Variants in CNTN5 observed in about 807,000 individuals in gnomAD.
The protein encoded by CNTN5 is contactin 5.
In CNTN5, 77 loss-of-function variants were observed where a neutral mutation model predicts 129.1. The observed-to-expected ratio is 0.60, with a 90% confidence interval of 0.50 to 0.72. CNTN5 has a LOEUF of 0.72. CNTN5 is among the 30% of genes least tolerant of loss of function. The pLI is 0.00. For synonymous variants in CNTN5, 509 were observed against 465.6 expected (o/e 1.09, Z -1.20); for missense variants, 1,478 against 1,328.8 (o/e 1.11, Z -1.75).
chr11:99,422,009 G>A (rs1047841868), intron 2 of CNTN5, among the ~76,000 whole-genome samples: 1 of 152,188 alleles, frequency 6.6e-6, no homozygotes, highest in African/African-American at 2.4e-5. Flanking sequence ...ATCTCTACTT[G>A]ATAGGAATAA....
chr11:99,120,131 A>C (rs977390591), intron 1 of CNTN5: 1 of 151,998 alleles, frequency 6.6e-6, no homozygotes, highest in Non-Finnish European at 1.5e-5. Flanking sequence ...GTTTAATTAG[A>C]TCCAATTTGT....
intron 1 of CNTN5, among the ~76,000 whole-genome samples, chr11:99,203,453 T>A (rs969720537): frequency 2.0e-5 from 3 of 152,184 alleles, no homozygotes; most frequent in Admixed American, 6.5e-5. Context: ...ATTTTACATT[T>A]GTATCATATA....
chr11:99,884,730 A>G (rs1948854973), intron 6 of CNTN5, among the ~76,000 whole-genome samples: 1 of 152,254 alleles, frequency 6.6e-6, no homozygotes, highest in Non-Finnish European at 1.5e-5. Flanking sequence ...TAATCCCAGC[A>G]CTTTGGGAGG....
intron 1 of CNTN5, among the ~76,000 whole-genome samples, chr11:99,069,296 C>T (rs547243700): frequency 3.3e-5 from 5 of 151,792 alleles, no homozygotes; most frequent in South Asian, 4.2e-4. Flanking sequence ...CCAGGCCAGG[C>T]GAGGGTAATG....
At chr11:99,040,591 A>G (rs771435117) in intron 1 of CNTN5, among the ~76,000 whole-genome samples, 5 of 152,152 alleles carry the variant, frequency 3.3e-5, no homozygotes, top group Non-Finnish European at 7.4e-5. Flanking sequence ...TGTTGAGTTT[A>G]TGCAAAAGTA....
chr11:99,818,907 C>A (rs1380362719), intron 3 of CNTN5, among the ~76,000 whole-genome samples: 1 of 151,966 alleles, frequency 6.6e-6, no homozygotes, highest in Non-Finnish European at 1.5e-5. Context: ...AAATAAATTT[C>A]ATTCATTTTT....
At chr11:99,422,558 A>ATATATC (rs1942949886) in intron 2 of CNTN5, among the ~76,000 whole-genome samples, 1 of 125,194 alleles carries the variant, frequency 8.0e-6, no homozygotes, top group African/African-American at 3.0e-5. Flanking sequence ...ATATATATAT[A>ATATATC]TATCTGTATT....
At chr11:100,158,540 A>ATATT (rs1401018741) in intron 13 of CNTN5, among the ~76,000 whole-genome samples, 1 of 151,894 alleles carries the variant, frequency 6.6e-6, no homozygotes, top group Non-Finnish European at 1.5e-5. Flanking sequence ...AAAAATTGGC[A>ATATT]AATATCCTGA....
chr11:99,405,486 A>G (rs1248538886), intron 2 of CNTN5, among the ~76,000 whole-genome samples: 2 of 151,888 alleles, frequency 1.3e-5, no homozygotes, highest in African/African-American at 4.8e-5. Flanking sequence ...TTCTTCTATT[A>G]AAGGACTCTG....
intron 1 of CNTN5, among the ~76,000 whole-genome samples, chr11:99,126,560 CA>C (rs1278191187): frequency 6.6e-6 from 1 of 152,084 alleles, no homozygotes; most frequent in African/African-American, 2.4e-5. Flanking sequence ...GCTGAATGTC[CA>C]ACCAGGTAAG....
At chr11:99,812,930 C>G (rs59079165) in intron 3 of CNTN5, among the ~76,000 whole-genome samples, 4 of 151,066 alleles carry the variant, frequency 2.6e-5, no homozygotes, top group Non-Finnish European at 3.0e-5. Flanking sequence ...TATTATAGTT[C>G]TTGGTTTTAT....
intron 7 of CNTN5, among the ~76,000 whole-genome samples, chr11:99,938,297 A>G (rs759978637): frequency 1.3e-5 from 2 of 152,140 alleles, no homozygotes; most frequent in Non-Finnish European, 2.9e-5. Context: ...AATTTCATCA[A>G]TCCTTCGTTT....
intron 2 of CNTN5, among the ~76,000 whole-genome samples, chr11:99,393,103 C>T (rs1003127424): frequency 1.3e-5 from 2 of 151,590 alleles, no homozygotes; most frequent in African/African-American, 2.4e-5. Flanking sequence ...CAACAAAAGC[C>T]CCACTAATAA....
intron 3 of CNTN5, among the ~76,000 whole-genome samples, chr11:99,694,010 G>T (rs1014948509): frequency 4.6e-5 from 7 of 152,002 alleles, no homozygotes; most frequent in Non-Finnish European, 1.0e-4. Flanking sequence ...GGGTGATTCA[G>T]ATAGAAGGAA....
intron 1 of CNTN5, among the ~76,000 whole-genome samples, chr11:99,174,541 T>C (rs1272057772): frequency 6.6e-6 from 1 of 152,154 alleles, no homozygotes; most frequent in South Asian, 2.1e-4. Context: ...TTAAAAACTC[T>C]TTATCATACC....
intron 3 of CNTN5, among the ~76,000 whole-genome samples, chr11:99,645,006 C>A (rs1343864660): frequency 6.6e-6 from 1 of 151,300 alleles, no homozygotes; most frequent in Non-Finnish European, 1.5e-5. Context: ...GTGGCTTATG[C>A]CTGTAATCCC....
intron 21 of CNTN5, among the ~76,000 whole-genome samples, chr11:100,320,532 A>T (rs750140010): frequency 2.6e-5 from 4 of 151,696 alleles, no homozygotes; most frequent in Non-Finnish European, 5.9e-5. Flanking sequence ...CTGTGCAAAA[A>T]CTTTGTAGTT....
intron 3 of CNTN5, among the ~76,000 whole-genome samples, chr11:99,719,711 A>G (rs1176318440): frequency 1.3e-5 from 2 of 152,134 alleles, no homozygotes; most frequent in Admixed American, 1.3e-4. Flanking sequence ...ACTGAAGGAA[A>G]TCGAGACACA....
At chr11:100,268,152 G>C (rs1328491222) in intron 17 of CNTN5, among the ~76,000 whole-genome samples, 2 of 152,236 alleles carry the variant, frequency 1.3e-5, no homozygotes, top group East Asian at 3.9e-4. Context: ...GAACAGATTG[G>C]GTAGGAATGA....
Sources: gnomAD v4.1 joint callset for allele counts (sites outside exome capture counted in the v4.1 genomes callset) on GRCh38, gnomAD v4.1.1 for gene constraint, MANE v1.5 for transcripts, NCBI Gene and HGNC (gene_info 2026-07-23, HGNC 2026-07-21) for gene names.